The following CNTN3 variants were observed in gnomAD, a reference collection of about 807,000 sequenced individuals.
CNTN3 encodes contactin 3, also known as contactin-3.
In CNTN3, 60 loss-of-function variants were observed where a neutral mutation model predicts 119.1. The observed-to-expected ratio is 0.50, with a 90% CI of 0.41 to 0.62. The LOEUF is 0.62. CNTN3 is among the 20% of genes least tolerant of loss of function. The pLI is 0.00. For missense variants in CNTN3, 1,101 were observed against 1,242.4 expected (o/e 0.89, Z 1.71); for synonymous variants, 450 against 438.7 (o/e 1.03, Z -0.32).
intron 11 of CNTN3, among the ~76,000 whole-genome samples, chr3:74,339,019 T>C (rs527552878): frequency 2.9e-4 from 44 of 152,252 alleles, no homozygotes; most frequent in South Asian, 2.3e-3. Context: ...AAAAATCTCT[T>C]TATACCTTAG....
chr3:74,330,345 G>T (rs1009296162), intron 13 of CNTN3, among the ~76,000 whole-genome samples: 1 of 150,210 alleles, frequency 6.7e-6, no homozygotes, highest in South Asian at 2.1e-4. Context: ...GACACAGTGA[G>T]ACCCTGTCTC....
chr3:74,403,693 G>T (rs1056602422), intron 5 of CNTN3, among the ~76,000 whole-genome samples: 3 of 151,952 alleles, frequency 2.0e-5, no homozygotes, highest in African/African-American at 7.3e-5. Flanking sequence ...AATATTATAA[G>T]AAATAGGAGC....
intron 17 of CNTN3, among the ~76,000 whole-genome samples, chr3:74,299,646 A>G (rs886325440): frequency 5.9e-5 from 9 of 152,156 alleles, no homozygotes; most frequent in Non-Finnish European, 1.3e-4. Context: ...CAGAGAAAGT[A>G]TCAAAAAATA....
intron 1 of CNTN3, among the ~76,000 whole-genome samples, chr3:74,533,487 T>C (rs1703721472): frequency 6.6e-6 from 1 of 152,072 alleles, no homozygotes; most frequent in African/African-American, 2.4e-5. Context: ...AGATTGAACA[T>C]GTGCCAGGCA....
At chr3:74,333,258 G>C (rs1030457262) in intron 13 of CNTN3, among the ~76,000 whole-genome samples, 2 of 152,120 alleles carry the variant, frequency 1.3e-5, no homozygotes, top group African/African-American at 4.8e-5. Flanking sequence ...TCTTTTTTCT[G>C]TACTAGCTTC....
chr3:74,264,781 C>G (rs598099), intron 22 of CNTN3, among the ~76,000 whole-genome samples: 3,307 of 152,138 alleles, frequency 0.022, 107 homozygotes, highest in African/African-American at 0.067. Flanking sequence ...CCAAAAAGGA[C>G]TAAGACACAG....
chr3:74,271,416 T>G (rs1701773294), intron 20 of CNTN3, among the ~76,000 whole-genome samples: 1 of 152,278 alleles, frequency 6.6e-6, no homozygotes, highest in Middle Eastern at 3.4e-3. Flanking sequence ...CTCTATAGAC[T>G]TTTTCCCCCA....
chr3:74,453,959 G>T (rs904567989), intron 4 of CNTN3, among the ~76,000 whole-genome samples: 14 of 151,738 alleles, frequency 9.2e-5, no homozygotes, highest in African/African-American at 3.4e-4. Context: ...AATAGGTGTG[G>T]TGTGGTGCTG....
chr3:74,545,868 G>A (rs1461633470), intron 1 of CNTN3, among the ~76,000 whole-genome samples: 1 of 152,012 alleles, frequency 6.6e-6, no homozygotes, highest in Non-Finnish European at 1.5e-5. Flanking sequence ...TACACTTTAT[G>A]CATTGTCCCC....
chr3:74,350,116 C>A (rs1364826222), intron 11 of CNTN3, among the ~76,000 whole-genome samples: 4 of 152,064 alleles, frequency 2.6e-5, no homozygotes, highest in Non-Finnish European at 5.9e-5. Context: ...CATGTGTCAG[C>A]AATCTGTTTA....
intron 1 of CNTN3, among the ~76,000 whole-genome samples, chr3:74,564,738 G>C (rs77004389): frequency 0.071 from 10,797 of 151,966 alleles, 412 homozygotes; most frequent in South Asian, 0.094. Context: ...GTTCTTGGCT[G>C]TGTAATCTCT....
chr3:74,330,037 A>G (rs1048789169), intron 13 of CNTN3, among the ~76,000 whole-genome samples: 18 of 152,142 alleles, frequency 1.2e-4, no homozygotes, highest in African/African-American at 4.3e-4. Context: ...GATGGACCAC[A>G]TATATGACAG....
intron 1 of CNTN3, among the ~76,000 whole-genome samples, chr3:74,601,800 T>G (rs73839609): frequency 2.0e-5 from 3 of 152,130 alleles, no homozygotes; most frequent in African/African-American, 7.2e-5. Flanking sequence ...AATATTCCAG[T>G]AGCAATACAA....
rs182979324 is a variant in CNTN3, at chr3:74,289,914, C to T, written c.2518-4423G>A. Among the ~76,000 whole-genome samples, 31 of 152,300 alleles carry T rather than the reference C, an allele frequency of 2.0e-4. No individual in the cohort carries two copies. The East Asian group carries it at 6.0e-3, about 29-fold the overall frequency. ...GTATTCAAACTAGCAGATCTGAACA[C>T]AGGTTTGTCTAATTCTAAAATGGTG... On this transcript the variant is annotated intron_variant, in intron 19 of 22. Coordinates refer to ENST00000263665, the MANE Select transcript of CNTN3 (RefSeq NM_020872.3).
Position 74,264,421 on chromosome 3 carries a change from T to G in CNTN3, c.3067A>C (p.Ile1023Leu). The change falls in exon 23 of 23, where the codon ATT becomes CTT. Residue 1023 changes from isoleucine (I) to leucine (L), a missense_variant. Coordinates refer to ENST00000263665, the MANE Select transcript of CNTN3 (RefSeq NM_020872.3). ...TAATATCACCACAGGACATATACAA[T>G]TAAGAACAGTACTATAGGCATATAA... ...SSYMPIVLFLIVYVLW is the reference protein window; with the variant it reads ...SSYMPIVLFLLVYVLW 6.2e-7 allele frequency: 1 copy of G among 1,600,286 alleles called. No individual in the cohort carries two copies. Among genetic ancestry groups the G allele is most frequent in the South Asian group, 1.1e-5 (1 of 89,460 alleles).
At chr3:74,520,550 A>C (rs1002334243) in intron 2 of CNTN3, among the ~76,000 whole-genome samples, 1 of 151,190 alleles carries the variant, frequency 6.6e-6, no homozygotes, top group African/African-American at 2.4e-5. Flanking sequence ...AAAGACGATA[A>C]TTTTTTTTCA....
At position 74,443,177 on chromosome 3, in the gene CNTN3, C is replaced by T. The variant is rs1266955967; in HGVS notation, c.359-18237G>A. On this transcript the variant is annotated intron_variant, in intron 4 of 22. Coordinates refer to ENST00000263665, the MANE Select transcript of CNTN3 (RefSeq NM_020872.3). ...GGGTTTGGAGGAGTAAAGAAAGGCA[C>T]AGACCAAGCAGTTCATCCACCAGAG... Among the ~76,000 whole-genome samples the T allele has an allele frequency of 9.9e-5, 15 of 152,134 alleles. No homozygotes were observed. The South Asian group carries it at 3.1e-3, about 32-fold the overall frequency.
At position 74,478,485 on chromosome 3, in the gene CNTN3, T is replaced by C. The variant is rs141476702; in HGVS notation, c.358+7971A>G. On this transcript the variant is annotated intron_variant, in intron 4 of 22. Transcript: ENST00000263665. Reference sequence around the variant, plus strand: ...TTAAATGCATGTATGCACACTGGATTCTGCAATCCCCCAAGGCCTCTTTTC... The same window carrying C: ...TTAAATGCATGTATGCACACTGGATCCTGCAATCCCCCAAGGCCTCTTTTC... Among the ~76,000 whole-genome samples, 245 of 152,234 alleles carry C rather than the reference T, an allele frequency of 1.6e-3. 1 individual carries two copies. The highest frequency in any genetic ancestry group is 5.7e-3 in the African/African-American group (235 of 41,540).
intron 4 of CNTN3, among the ~76,000 whole-genome samples, chr3:74,449,365 C>G (rs1442640495): frequency 6.6e-6 from 1 of 151,862 alleles, no homozygotes; most frequent in Non-Finnish European, 1.5e-5. Flanking sequence ...TTTATGTACT[C>G]TTTTACAACA....
Sources: allele counts gnomAD v4.1 joint callset (sites outside exome capture counted in the v4.1 genomes callset), GRCh38; gene constraint gnomAD v4.1.1; transcripts MANE v1.5; gene names NCBI Gene and HGNC (gene_info 2026-07-23, HGNC 2026-07-21).